RAB3C: variants seen among roughly 807,000 people sequenced by gnomAD.
RAB3C encodes the protein ras-related protein Rab-3C.
In RAB3C, 17 loss-of-function variants were observed where a neutral mutation model predicts 26.4. That is an observed-to-expected ratio of 0.64 (90% confidence interval 0.44 to 0.97). The LOEUF is 0.97. RAB3C is among the 50% of genes least tolerant of loss of function. The pLI is 0.00. For missense variants in RAB3C, 242 were observed against 281.9 expected, an observed-to-expected ratio of 0.86 and a Z score of 1.01; for synonymous variants, 91 against 95.9, an observed-to-expected ratio of 0.95 and a Z score of 0.30.
intron 3 of RAB3C, among the ~76,000 whole-genome samples, chr5:58,780,210 G>C (rs879567019): frequency 2.6e-5 from 4 of 152,122 alleles, no homozygotes; most frequent in Admixed American, 2.6e-4. Flanking sequence ...AAGGCCTGTA[G>C]ACTCCAAAAA....
At chr5:58,808,470 T>C (rs1482774428) in intron 3 of RAB3C, among the ~76,000 whole-genome samples, 1 of 152,176 alleles carries the variant, frequency 6.6e-6, no homozygotes, top group Non-Finnish European at 1.5e-5. Context: ...ATCAGATTAT[T>C]GAAGTATCCC....
At chr5:58,812,125 G>A (rs1743105824) in intron 3 of RAB3C, among the ~76,000 whole-genome samples, 1 of 152,044 alleles carries the variant, frequency 6.6e-6, no homozygotes, top group Non-Finnish European at 1.5e-5. Flanking sequence ...TAAGAAAAAA[G>A]AAAAACAAAC....
chr5:58,836,000 G>A (rs1269260878), intron 4 of RAB3C, among the ~76,000 whole-genome samples: 1 of 152,096 alleles, frequency 6.6e-6, no homozygotes, highest in East Asian at 1.9e-4. Context: ...ATTAGGGCGG[G>A]GAACAGTAGA....
chr5:58,631,515 G>T (rs1256160085), intron 2 of RAB3C, among the ~76,000 whole-genome samples: 2 of 152,198 alleles, frequency 1.3e-5, no homozygotes, highest in East Asian at 1.9e-4. Flanking sequence ...GCAAAGGAAT[G>T]AATGAGCTTT....
intron 3 of RAB3C, among the ~76,000 whole-genome samples, chr5:58,815,517 C>G (rs1285677377): frequency 6.6e-6 from 1 of 152,144 alleles, no homozygotes. Flanking sequence ...ATGGGGTGAA[C>G]ACTTGCCTTC....
intron 4 of RAB3C, among the ~76,000 whole-genome samples, chr5:58,828,672 G>T (rs1051346227): frequency 6.6e-6 from 1 of 152,170 alleles, no homozygotes; most frequent in Non-Finnish European, 1.5e-5. Context: ...AGCTGAATTG[G>T]CTGGGGTTCA....
intron 2 of RAB3C, among the ~76,000 whole-genome samples, chr5:58,723,083 C>T (rs1037302130): frequency 1.3e-5 from 2 of 151,540 alleles, no homozygotes; most frequent in African/African-American, 4.8e-5. Flanking sequence ...AATATATTAA[C>T]CTTTGGTCTC....
chr5:58,756,081 C>T (rs374872248), intron 3 of RAB3C, among the ~76,000 whole-genome samples: 1 of 151,130 alleles, frequency 6.6e-6, no homozygotes. Flanking sequence ...ACCCATACAC[C>T]CTTTTCCCAG....
At chr5:58,760,121 C>T (rs527542841) in intron 3 of RAB3C, among the ~76,000 whole-genome samples, 6 of 152,288 alleles carry the variant, frequency 3.9e-5, no homozygotes, top group Non-Finnish European at 7.4e-5. Context: ...GGACCATTGC[C>T]ATTCACTAGA....
At chr5:58,594,135 G>A (rs1310482685) in intron 1 of RAB3C, among the ~76,000 whole-genome samples, 1 of 152,158 alleles carries the variant, frequency 6.6e-6, no homozygotes, top group Non-Finnish European at 1.5e-5. Context: ...TTACTTGCTA[G>A]CCACCAAGTG....
At chr5:58,614,791 C>T (rs535356201) in intron 1 of RAB3C, among the ~76,000 whole-genome samples, 6 of 152,024 alleles carry the variant, frequency 3.9e-5, no homozygotes, top group East Asian at 1.9e-4. Context: ...CATGAGCTCC[C>T]GTGTGTGGAG....
intron 3 of RAB3C, among the ~76,000 whole-genome samples, chr5:58,754,895 T>TC (rs879606767): frequency 1.3e-5 from 2 of 151,774 alleles, no homozygotes; most frequent in South Asian, 2.1e-4. Flanking sequence ...CTTTTTTTTT[T>TC]CTTCTGCACA....
At chr5:58,812,940 G>A (rs890927548) in intron 3 of RAB3C, among the ~76,000 whole-genome samples, 1 of 152,150 alleles carries the variant, frequency 6.6e-6, no homozygotes, top group Non-Finnish European at 1.5e-5. Flanking sequence ...AGAGGAAGCA[G>A]AAGTTCAGAA....
intron 2 of RAB3C, among the ~76,000 whole-genome samples, chr5:58,663,016 T>C (rs1385489324): frequency 6.7e-6 from 1 of 150,354 alleles, no homozygotes; most frequent in Non-Finnish European, 1.5e-5. Flanking sequence ...TTGCTTGCCA[T>C]TGAAGAAAGA....
chr5:58,756,331 ATATAACATATATATGT>A (rs1249219907), intron 3 of RAB3C, among the ~76,000 whole-genome samples: 10 of 139,832 alleles, frequency 7.2e-5, no homozygotes, highest in African/African-American at 2.3e-4. Context: ...ATATATATAT[ATATAACATATATATGT>A]TATATATATA....
At position 58,854,848 on chromosome 5, in the gene RAB3C, A is replaced by G. The variant is rs1381041712; in HGVS notation, c.*3497A>G. On this transcript the variant is annotated 3_prime_UTR_variant, in exon 5 of 5. Transcript: ENST00000282878. ...ACATCAAAACACTCAGTAAACAAATATATATATTTCACCTACTTAAATCTT... is the reference window on the plus strand; with the variant it reads ...ACATCAAAACACTCAGTAAACAAATGTATATATTTCACCTACTTAAATCTT... The G allele has an allele frequency of 2.2e-4, 2 of 9,134 alleles. No homozygotes were observed. The highest frequency in any genetic ancestry group is 1.4e-3 in the East Asian group (2 of 1,386). The allele number at this position is 9,134 out of a possible 1,614,324, so 0.6% of individuals were successfully genotyped here.
chr5:58,632,645 G>A (rs574302222), intron 2 of RAB3C, among the ~76,000 whole-genome samples: 1 of 152,286 alleles, frequency 6.6e-6, no homozygotes, highest in East Asian at 1.9e-4. Context: ...ATGGCAGCAG[G>A]CTGTAGGCCT....
At chr5:58,840,285 A>G (rs1743849610) in intron 4 of RAB3C, among the ~76,000 whole-genome samples, 1 of 150,926 alleles carries the variant, frequency 6.6e-6, no homozygotes, top group Middle Eastern at 3.2e-3. Context: ...TTTTTATTTT[A>G]GTCATTGGAT....
intron 2 of RAB3C, among the ~76,000 whole-genome samples, chr5:58,655,090 G>A (rs916536726): frequency 6.6e-6 from 1 of 152,150 alleles, no homozygotes; most frequent in African/African-American, 2.4e-5. Flanking sequence ...TATGATCAGG[G>A]TTGCTAAATA....
Sources: gnomAD v4.1 joint callset for allele counts (sites outside exome capture counted in the v4.1 genomes callset) on GRCh38, gnomAD v4.1.1 for gene constraint, MANE v1.5 for transcripts, NCBI Gene and HGNC (gene_info 2026-07-23, HGNC 2026-07-21) for gene names.